FRMD4B: variants seen among roughly 807,000 people sequenced by gnomAD.
The protein encoded by FRMD4B is FERM domain containing 4B, also known as FERM domain-containing protein 4B.
In FRMD4B, 74 loss-of-function variants were observed where a neutral mutation model predicts 141.5. The ratio of observed to expected loss-of-function variants is 0.52; its 90% CI spans 0.43 to 0.63. The LOEUF is 0.63. Ranked by LOEUF, FRMD4B falls within the 30% of genes least tolerant of loss-of-function variation. The probability of loss-of-function intolerance (pLI) is 0.00; values close to 1 mark genes in which losing one functional copy is unlikely to be tolerated. For synonymous variants in FRMD4B, 506 were observed against 467.9 expected, an observed-to-expected ratio of 1.08 and a Z score of -1.05; for missense variants, 1,366 against 1,253.4, an observed-to-expected ratio of 1.09 and a Z score of -1.36.
intron 1 of FRMD4B, among the ~76,000 whole-genome samples, chr3:69,365,749 C>T (rs1239812122): frequency 1.3e-5 from 2 of 152,046 alleles, no homozygotes; most frequent in South Asian, 2.1e-4. Flanking sequence ...ACACCCGCCT[C>T]GGCCTCCCAA....
chr3:69,385,069 A>AAG (rs1178052660), intron 1 of FRMD4B, among the ~76,000 whole-genome samples: 1 of 147,344 alleles, frequency 6.8e-6, no homozygotes, highest in African/African-American at 2.5e-5. Context: ...TTACTGTCTA[A>AAG]AAAAAAAAAA....
chr3:69,181,572 G>A lies in FRMD4B; in HGVS notation c.2178C>T (p.Leu726=), dbSNP rs1339979204. The A allele has an allele frequency of 6.2e-6, 10 of 1,613,738 alleles. No homozygotes were observed. The highest frequency in any genetic ancestry group is 8.5e-6 in the Non-Finnish European group (10 of 1,179,826). The change falls in exon 21 of 23, where the codon CTC becomes CTT. Residue 726 remains leucine, a synonymous_variant. Coordinates refer to ENST00000398540, the MANE Select transcript of FRMD4B (RefSeq NM_015123.3). ...KSQRSSSTEI[L]DDGSSYTSQS... is the part of the protein sequence containing the mutation. Reference sequence around the variant, plus strand: ...GGCTTGTATAAGAAGACCCGTCATCGAGGATTTCTGTGCTGCTGCTTCTTT... The same window carrying A: ...GGCTTGTATAAGAAGACCCGTCATCAAGGATTTCTGTGCTGCTGCTTCTTT...
intron 1 of FRMD4B, among the ~76,000 whole-genome samples, chr3:69,375,223 A>G (rs1703937465): frequency 1.7e-5 from 2 of 118,356 alleles, no homozygotes; most frequent in South Asian, 5.3e-4. Flanking sequence ...ACCCCATCCC[A>G]TCCATCCATC....
In FRMD4B at chr3:69,221,712, C is replaced by A. The variant is rs531396158; in HGVS notation, c.731+146G>T. On this transcript the variant is annotated intron_variant, in intron 9 of 22. Coordinates refer to ENST00000398540, the MANE Select transcript of FRMD4B (RefSeq NM_015123.3). ...TTGGTGACACCAATGTATAGAATGA[C>A]CGAAGACATTTTCTAATTCACAGTA... is the stretch of plus-strand genomic sequence containing the variant. The A allele has an allele frequency of 1.3e-5, 8 of 625,154 alleles. No individual in the cohort carries two copies. In the African/African-American group the frequency reaches 1.3e-4, roughly 10 times the overall value. The allele number at this position is 625,154 out of a possible 1,614,324, so 38.7% of individuals were successfully genotyped here. A position where few individuals can be genotyped will look rare whatever the true frequency, so the allele number is the denominator to read the frequency against.
intron 7 of FRMD4B, among the ~76,000 whole-genome samples, chr3:69,230,992 G>A (rs1366240527): frequency 1.3e-5 from 2 of 152,136 alleles, no homozygotes; most frequent in East Asian, 3.9e-4. Flanking sequence ...AATGAAACTA[G>A]AAACAATCAC....
chr3:69,361,754 A>G (rs1004908544), intron 1 of FRMD4B, among the ~76,000 whole-genome samples: 5 of 152,206 alleles, frequency 3.3e-5, no homozygotes, highest in African/African-American at 9.7e-5. Context: ...TCTCTTGTTA[A>G]TGGAAATCAG....
chr3:69,226,507 T>C (rs952149741), intron 7 of FRMD4B, among the ~76,000 whole-genome samples: 1 of 152,076 alleles, frequency 6.6e-6, no homozygotes, highest in Non-Finnish European at 1.5e-5. Flanking sequence ...GGCAAATGCA[T>C]GCATGTATTC....
chr3:69,231,199 G>A (rs191915048), intron 7 of FRMD4B, among the ~76,000 whole-genome samples: 1 of 152,322 alleles, frequency 6.6e-6, no homozygotes, highest in East Asian at 1.9e-4. Flanking sequence ...GAATTTTATT[G>A]GAGGTAGGAA....
chr3:69,400,056 T>A (rs564244647), intron 2 of FRMD4B, among the ~76,000 whole-genome samples: 1 of 152,078 alleles, frequency 6.6e-6, no homozygotes, highest in African/African-American at 2.4e-5. Context: ...GTAAAAGCTA[T>A]GAGTGACCCT....
At chr3:69,261,469 T>C (rs1229743252) in intron 5 of FRMD4B, among the ~76,000 whole-genome samples, 3 of 152,212 alleles carry the variant, frequency 2.0e-5, no homozygotes, top group Admixed American at 2.0e-4. Flanking sequence ...TGTTAACTTT[T>C]AGCTAATTTA....
chr3:69,242,851 G>A (rs939886775), intron 7 of FRMD4B, among the ~76,000 whole-genome samples: 9 of 151,708 alleles, frequency 5.9e-5, no homozygotes, highest in South Asian at 2.1e-4. Context: ...AAAATTAGCC[G>A]GGCGTGGTGG....
chr3:69,444,777 A>G (rs1705387076), intron 1 of FRMD4B, among the ~76,000 whole-genome samples: 1 of 152,240 alleles, frequency 6.6e-6, no homozygotes, highest in South Asian at 2.1e-4. Flanking sequence ...ATAAAGAAAC[A>G]ACAAAATCTC....
intron 1 of FRMD4B, among the ~76,000 whole-genome samples, chr3:69,531,675 T>C (rs1243509945): frequency 2.0e-5 from 3 of 152,234 alleles, no homozygotes; most frequent in African/African-American, 7.2e-5. Context: ...AACTGCCAAT[T>C]TTTAAATACC....
At chr3:69,449,579 T>A (rs1178912595) in intron 1 of FRMD4B, among the ~76,000 whole-genome samples, 6 of 152,228 alleles carry the variant, frequency 3.9e-5, no homozygotes, top group African/African-American at 1.4e-4. Context: ...TCCAGTCCTA[T>A]GATCACATTT....
At chr3:69,398,570 G>A (rs1238194954) in intron 2 of FRMD4B, among the ~76,000 whole-genome samples, 1 of 152,150 alleles carries the variant, frequency 6.6e-6, no homozygotes, top group East Asian at 1.9e-4. Context: ...TCATACAAAA[G>A]CTTATTCAGC....
At chr3:69,406,098 T>C (rs1436632524) in intron 2 of FRMD4B, among the ~76,000 whole-genome samples, 5 of 152,208 alleles carry the variant, frequency 3.3e-5, no homozygotes, top group African/African-American at 1.2e-4. Context: ...CTTAAAACTT[T>C]ATTAAAAAGG....
intron 10 of FRMD4B, 77 bp downstream of exon 10, chr3:69,218,245 T>C (rs1193186356): frequency 8.1e-6 from 6 of 740,974 alleles, no homozygotes; most frequent in African/African-American, 3.6e-5. Flanking sequence ...ATCAGCCTTT[T>C]ATATAGTATG....
At chr3:69,202,259 G>T (rs1334506012) in intron 11 of FRMD4B, among the ~76,000 whole-genome samples, 1 of 152,056 alleles carries the variant, frequency 6.6e-6, no homozygotes, top group Non-Finnish European at 1.5e-5. Flanking sequence ...TTTGAGGAAA[G>T]AAATCAAAGT....
chr3:69,304,198 G>T (rs1356777432), intron 3 of FRMD4B, among the ~76,000 whole-genome samples: 1 of 145,594 alleles, frequency 6.9e-6, no homozygotes, highest in South Asian at 2.2e-4. Flanking sequence ...AAAAAAGGCC[G>T]GGCACAGTGG....
Sources: allele counts gnomAD v4.1 joint callset (sites outside exome capture counted in the v4.1 genomes callset), GRCh38; gene constraint gnomAD v4.1.1; transcripts MANE v1.5; gene names NCBI Gene and HGNC (gene_info 2026-07-23, HGNC 2026-07-21).